Variants in ERICH1 observed in about 807,000 individuals in gnomAD.
ERICH1 encodes the protein glutamate-rich protein 1.
ERICH1 carries 56 observed loss-of-function variants against 39.6 expected under a neutral mutation model. The ratio of observed to expected loss-of-function variants is 1.41; its 90% CI spans 1.14 to 1.77. ERICH1 has a LOEUF of 1.77. ERICH1 is among the 40% of genes most tolerant of loss of function. The probability of loss-of-function intolerance (pLI) is 0.00; values close to 1 mark genes in which losing one functional copy is unlikely to be tolerated. For missense variants in ERICH1, 826 were observed against 575.4 expected, an observed-to-expected ratio of 1.44 and a Z score of -4.45; for synonymous variants, 313 against 223.6, an observed-to-expected ratio of 1.40 and a Z score of -3.57.
intron 4 of ERICH1, chr8:672,146 A>G (rs1436459738): frequency 2.0e-5 from 3 of 152,494 alleles, no homozygotes; most frequent in Non-Finnish European, 4.4e-5. Flanking sequence ...TCCCTTCAAC[A>G]GGTGTTTCCC....
At chr8:729,104 G>C (rs918107258) in intron 1 of ERICH1, among the ~76,000 whole-genome samples, 1 of 152,148 alleles carries the variant, frequency 6.6e-6, no homozygotes, top group Non-Finnish European at 1.5e-5. Context: ...CACTTAGCTC[G>C]GGGAGGGAGG....
intron 1 of ERICH1, among the ~76,000 whole-genome samples, chr8:719,538 C>G (rs1334263949): frequency 6.6e-6 from 1 of 152,230 alleles, no homozygotes; most frequent in Non-Finnish European, 1.5e-5. Flanking sequence ...AAGCGACTCT[C>G]TTTCCTTCAT....
At chr8:621,442 G>A (rs1035332974) in intron 3 of ERICH1, among the ~76,000 whole-genome samples, 2 of 151,906 alleles carry the variant, frequency 1.3e-5, no homozygotes, top group Non-Finnish European at 2.9e-5. Flanking sequence ...AGGTATACAT[G>A]TATCAAACAT....
chr8:622,008 A>G (rs1797314059), intron 3 of ERICH1, among the ~76,000 whole-genome samples: 2 of 152,202 alleles, frequency 1.3e-5, no homozygotes, highest in South Asian at 4.1e-4. Flanking sequence ...TGAGGCCAGT[A>G]GTTTGAGACC....
intron 3 of ERICH1, among the ~76,000 whole-genome samples, chr8:674,640 G>A (rs1049657435): frequency 2.0e-5 from 3 of 152,018 alleles, no homozygotes; most frequent in Non-Finnish European, 4.4e-5. Context: ...TCATTTCTAT[G>A]GGCCTTTCCC....
At chr8:698,092 G>A (rs187348773) in intron 2 of ERICH1, among the ~76,000 whole-genome samples, 8 of 152,336 alleles carry the variant, frequency 5.3e-5, no homozygotes, top group African/African-American at 1.2e-4. Context: ...CTCTGCGCCC[G>A]CCGCCTGCCC....
intron 3 of ERICH1, among the ~76,000 whole-genome samples, chr8:633,052 A>G (rs1449701310): frequency 6.6e-6 from 1 of 152,166 alleles, no homozygotes; most frequent in Admixed American, 6.5e-5. Flanking sequence ...GAAACGCACA[A>G]CCAGTGTGGG....
intron 3 of ERICH1, among the ~76,000 whole-genome samples, chr8:692,218 C>T (rs146925637): frequency 6.6e-6 from 1 of 152,296 alleles, no homozygotes; most frequent in Admixed American, 6.5e-5. Flanking sequence ...AAAGCATTAA[C>T]AAACATGGGC....
chr8:641,362 T>C (rs534616499), intron 3 of ERICH1, among the ~76,000 whole-genome samples: 45 of 152,118 alleles, frequency 3.0e-4, no homozygotes, highest in Non-Finnish European at 5.7e-4. Flanking sequence ...ATATAAGCAG[T>C]GTTTACAGGG....
chr8:701,485 C>G (rs1334347105), intron 2 of ERICH1, among the ~76,000 whole-genome samples: 5 of 152,222 alleles, frequency 3.3e-5, no homozygotes, highest in Admixed American at 2.6e-4. Flanking sequence ...CCCAGAGCAG[C>G]TGGGAGGCTG....
At position 643,219 on chromosome 8, in the gene ERICH1, C is replaced by T. The variant is rs889870622; in HGVS notation, c.976+25379G>A. 9.9e-5 allele frequency among the ~76,000 whole-genome samples: 15 copies of T among 152,214 alleles called. No homozygotes were observed. The South Asian group carries it at 1.2e-3, about 13-fold the overall frequency. On this transcript the variant is annotated intron_variant, in intron 3 of 3. Coordinates refer to the ERICH1 transcript ENST00000522706. ...CGTTAAACATTGCATGCGATTCCTG[C>T]GAGTTCTCTGGCATGAGACGATGAC...
chr8:671,392 C>A (rs1803346200), intron 4 of ERICH1, among the ~76,000 whole-genome samples: 1 of 147,834 alleles, frequency 6.8e-6, no homozygotes. Flanking sequence ...AATGTCTGTG[C>A]TCACTGGGCT....
chr8:671,158 T>C (rs1282006712), intron 4 of ERICH1, among the ~76,000 whole-genome samples: 5 of 132,160 alleles, frequency 3.8e-5, no homozygotes, highest in African/African-American at 5.8e-5. Flanking sequence ...CTAATGTCTG[T>C]GCTCACTGGG....
At position 673,513 on chromosome 8, in the gene ERICH1, T is replaced by C. The variant is rs1268397431; in HGVS notation, c.839A>G (p.Glu280Gly). ...TTCCTCCCCGGCCCGTGTCAGGTCT[T>C]CCTCAATGGTGTCCACACCGTCCTC... ...REEDGVDTIEEDLTRAGEEDG... is the reference protein window; with the variant it reads ...REEDGVDTIEGDLTRAGEEDG... The change falls in exon 4 of 6, where the codon GAA (glutamate) becomes GGA (glycine). Residue 280 changes from glutamate to glycine, a missense_variant. Glu to Gly is a moderately conservative substitution (Grantham distance 98). Coordinates refer to ENST00000262109, the MANE Select transcript of ERICH1 (RefSeq NM_207332.3). The C allele has an allele frequency of 5.0e-6, 8 of 1,613,184 alleles. No homozygotes were observed. Among genetic ancestry groups the C allele is most frequent in the Non-Finnish European group, 6.8e-6 (8 of 1,179,772 alleles).
At chr8:722,639 T>C (rs1817591953) in intron 1 of ERICH1, among the ~76,000 whole-genome samples, 1 of 152,242 alleles carries the variant, frequency 6.6e-6, no homozygotes, top group Admixed American at 6.5e-5. Context: ...CAGTTGGGTA[T>C]GCGACTCCTG....
At chr8:723,208 G>A (rs550627501) in intron 1 of ERICH1, among the ~76,000 whole-genome samples, 4 of 152,152 alleles carry the variant, frequency 2.6e-5, no homozygotes, top group Admixed American at 6.5e-5. Context: ...GCTTCCCGAC[G>A]GGGCCTCACC....
chr8:674,038 G>T lies in ERICH1; in HGVS notation c.314C>A (p.Pro105His). 2.6e-6 allele frequency: 4 copies of T among 1,558,230 alleles called. No individual in the cohort carries two copies. Among genetic ancestry groups the T allele is most frequent in the Non-Finnish European group, 3.4e-6 (4 of 1,166,308 alleles). The change falls in exon 4 of 6, where the codon CCT (proline) becomes CAT (histidine). Residue 105 changes from proline to histidine, a missense_variant. Physicochemically the swap from Pro to His is moderately conservative, Grantham distance 77. Transcript: ENST00000262109. ...SSGDDTEDQD[P>H]HDQPKRRRIR... ...TCTTCTTCTCTTTGGCTGGTCATGA[G>T]GATCCTGATCTGTTAAAAAAATTCA...
chr8:655,653 CCTCTGCA>C (rs1800549017), intron 3 of ERICH1, among the ~76,000 whole-genome samples: 1 of 140,794 alleles, frequency 7.1e-6, no homozygotes, highest in Admixed American at 7.3e-5. Context: ...TTCATTCTGT[CCTCTGCA>C]TTCCTTCCTT....
chr8:713,575 A>T (rs1320152534), intron 2 of ERICH1, among the ~76,000 whole-genome samples: 4 of 152,056 alleles, frequency 2.6e-5, no homozygotes, highest in Non-Finnish European at 5.9e-5. Flanking sequence ...TGTCTGTGGC[A>T]CTCATCACAT....
Sources: gnomAD v4.1 joint callset for allele counts (sites outside exome capture counted in the v4.1 genomes callset) on GRCh38, gnomAD v4.1.1 for gene constraint, MANE v1.5 for transcripts, NCBI Gene and HGNC (gene_info 2026-07-23, HGNC 2026-07-21) for gene names.